Variants in SORCS1 observed in about 807,000 individuals in gnomAD.
SORCS1 encodes the protein VPS10 domain-containing receptor SorCS1.
Under a neutral mutation model 146.1 loss-of-function variants are expected in SORCS1, and 60 were observed. That is an observed-to-expected ratio of 0.41 (90% CI 0.33 to 0.51). SORCS1 has a LOEUF of 0.51. Among genes scored for constraint, SORCS1 ranks in the 20% least tolerant of loss-of-function variants. The probability of loss-of-function intolerance (pLI) is 0.21; values close to 1 mark genes in which losing one functional copy is unlikely to be tolerated. For synonymous variants in SORCS1, 637 were observed against 584.0 expected, an observed-to-expected ratio of 1.09 and a Z score of -1.31; for missense variants, 1,352 against 1,487.6, an observed-to-expected ratio of 0.91 and a Z score of 1.50.
chr10:106,701,601 G>A (rs1854144823), intron 8 of SORCS1, among the ~76,000 whole-genome samples: 1 of 152,230 alleles, frequency 6.6e-6, no homozygotes, highest in African/African-American at 2.4e-5. Context: ...AGCGGATGGA[G>A]AGAGATGGCC....
intron 2 of SORCS1, among the ~76,000 whole-genome samples, chr10:106,842,051 CAG>C: frequency 6.6e-6 from 1 of 152,252 alleles, no homozygotes; most frequent in African/African-American, 2.4e-5. Flanking sequence ...AGCAGTGAAT[CAG>C]AGTTCCTGTT....
At chr10:107,138,419 T>A (rs1046867654) in intron 1 of SORCS1, among the ~76,000 whole-genome samples, 1 of 152,224 alleles carries the variant, frequency 6.6e-6, no homozygotes, top group African/African-American at 2.4e-5. Context: ...TGCATCCTTT[T>A]CATACACAGT....
chr10:106,971,905 C>T (rs1280224519), intron 1 of SORCS1, among the ~76,000 whole-genome samples: 5 of 152,122 alleles, frequency 3.3e-5, no homozygotes, highest in Admixed American at 6.5e-5. Context: ...ATCTCTTCTT[C>T]TGTGTAATAG....
chr10:106,744,420 G>C (rs1172197263), intron 5 of SORCS1, among the ~76,000 whole-genome samples: 2 of 151,964 alleles, frequency 1.3e-5, no homozygotes, highest in Non-Finnish European at 2.9e-5. Flanking sequence ...GTTACTTTTA[G>C]ACATGATGCT....
Position 106,689,907 on chromosome 10 carries a change from A to G in SORCS1, c.1414-1569T>C, listed in dbSNP as rs17121213. Among the ~76,000 whole-genome samples, 870 of 152,330 alleles carry G rather than the reference A, an allele frequency of 5.7e-3. 22 individuals are homozygous for G. The highest frequency in any genetic ancestry group is 9.3e-3 in the Admixed American group (143 of 15,310). ...GCTGATCTGGCATCTGGGATAATTT[A>G]TAGTTGGGCCAAATTTGTACTCTTT... On this transcript the variant is annotated intron_variant, in intron 9 of 25. Coordinates refer to ENST00000263054, the MANE Select transcript of SORCS1 (RefSeq NM_052918.5).
intron 6 of SORCS1, among the ~76,000 whole-genome samples, chr10:106,727,655 GA>G (rs200840417): frequency 0.014 from 2,081 of 151,802 alleles, 47 homozygotes; most frequent in African/African-American, 0.048. Flanking sequence ...ACATGATAAA[GA>G]AAAAAAATAG....
chr10:106,727,165 A>G (rs1856261734), intron 6 of SORCS1, among the ~76,000 whole-genome samples: 1 of 152,162 alleles, frequency 6.6e-6, no homozygotes, highest in Admixed American at 6.5e-5. Context: ...CAAGGTCCCT[A>G]GGTGGGTAGC....
chr10:106,614,380 C>A (rs918702121), intron 21 of SORCS1, among the ~76,000 whole-genome samples: 1 of 152,178 alleles, frequency 6.6e-6, no homozygotes, highest in Non-Finnish European at 1.5e-5. Flanking sequence ...AAGGAGTTAT[C>A]AAACACATGT....
intron 21 of SORCS1, among the ~76,000 whole-genome samples, chr10:106,617,102 G>A (rs1291876686): frequency 6.6e-6 from 1 of 151,952 alleles, no homozygotes; most frequent in Non-Finnish European, 1.5e-5. Flanking sequence ...TTACAGGCAT[G>A]TTCCACCATG....
In SORCS1 at chr10:107,111,242, A is replaced by G. The variant is rs145399014; in HGVS notation, c.558+52727T>C. On this transcript the variant is annotated intron_variant, in intron 1 of 25. Coordinates refer to ENST00000263054, the MANE Select transcript of SORCS1 (RefSeq NM_052918.5). ...GACTCCAAAGAAATGGAGATCTACA[A>G]ATTTCCTTAAAAAAGAATAAAAAAT... Among the ~76,000 whole-genome samples, 21 of 149,094 alleles carry G rather than the reference A, an allele frequency of 1.4e-4. No homozygotes were observed. In the East Asian group the frequency reaches 3.0e-3, roughly 21 times the overall value.
intron 6 of SORCS1, among the ~76,000 whole-genome samples, chr10:106,728,994 A>AC (rs1856405303): frequency 2.0e-5 from 3 of 150,116 alleles, no homozygotes; most frequent in Non-Finnish European, 4.4e-5. Flanking sequence ...ATTTTCTTTT[A>AC]CCCCCTCACC....
At chr10:106,996,422 G>T (rs1048254561) in intron 1 of SORCS1, among the ~76,000 whole-genome samples, 5 of 152,046 alleles carry the variant, frequency 3.3e-5, no homozygotes, top group African/African-American at 1.2e-4. Flanking sequence ...CATAGAATCA[G>T]ATAACTACCA....
chr10:107,112,301 G>A (rs1299466293), intron 1 of SORCS1, among the ~76,000 whole-genome samples: 2 of 152,002 alleles, frequency 1.3e-5, no homozygotes, highest in African/African-American at 2.4e-5. Context: ...AAGGTAATTT[G>A]TTATCAGCTA....
At chr10:107,059,881 A>T (rs1191430508) in intron 1 of SORCS1, among the ~76,000 whole-genome samples, 1 of 56,054 alleles carries the variant, frequency 1.8e-5, no homozygotes. Flanking sequence ...AAGTAGATTA[A>T]AAAAAAAAAC....
chr10:106,653,265 A>G (rs1850017846), intron 17 of SORCS1, among the ~76,000 whole-genome samples: 1 of 152,218 alleles, frequency 6.6e-6, no homozygotes, highest in African/African-American at 2.4e-5. Context: ...CAATTTTAGG[A>G]TGACAAACCT....
At chr10:106,834,530 A>T (rs911037695) in intron 2 of SORCS1, among the ~76,000 whole-genome samples, 5 of 152,172 alleles carry the variant, frequency 3.3e-5, no homozygotes, top group Admixed American at 6.5e-5. Context: ...CACTTGGGGA[A>T]GCATAAGATC....
At chr10:106,867,954 C>T (rs189728144) in intron 2 of SORCS1, among the ~76,000 whole-genome samples, 191 of 152,248 alleles carry the variant, frequency 1.3e-3, no homozygotes, top group African/African-American at 4.2e-3. Context: ...ATGCTGTCTT[C>T]AAGAGACCCA....
At chr10:106,664,068 A>G (rs1850941879) in intron 17 of SORCS1, among the ~76,000 whole-genome samples, 1 of 152,220 alleles carries the variant, frequency 6.6e-6, no homozygotes. Flanking sequence ...GTGGCAACTT[A>G]ACAAAAATCA....
chr10:106,659,378 C>A (rs1850548574), intron 17 of SORCS1, among the ~76,000 whole-genome samples: 1 of 152,120 alleles, frequency 6.6e-6, no homozygotes, highest in Admixed American at 6.5e-5. Context: ...GGACATATGG[C>A]CACACACACT....
Sources: allele counts gnomAD v4.1 joint callset (sites outside exome capture counted in the v4.1 genomes callset), GRCh38; gene constraint gnomAD v4.1.1; transcripts MANE v1.5; gene names NCBI Gene and HGNC (gene_info 2026-07-23, HGNC 2026-07-21).